The following TRIM9 variants were observed in gnomAD, a reference collection of about 807,000 sequenced individuals.
TRIM9 encodes E3 ubiquitin-protein ligase TRIM9.
In TRIM9, 26 loss-of-function variants were observed where a neutral mutation model predicts 78.3. The observed-to-expected ratio is 0.33, with a 90% CI of 0.24 to 0.46. TRIM9 has a LOEUF of 0.46. TRIM9 is among the 20% of genes least tolerant of loss of function. The pLI is 1.00. For synonymous variants in TRIM9, 398 were observed against 416.5 expected (o/e 0.96, Z 0.54); for missense variants, 787 against 1,036.4 (o/e 0.76, Z 3.30).
chr14:51,034,700 G>T (rs1476173442), intron 1 of TRIM9, among the ~76,000 whole-genome samples: 1 of 152,152 alleles, frequency 6.6e-6, no homozygotes, highest in Non-Finnish European at 1.5e-5. Context: ...TAAAATAGGA[G>T]ATTAATTAAA....
chr14:51,032,044 A>G (rs1455575584), intron 1 of TRIM9, among the ~76,000 whole-genome samples: 2 of 152,206 alleles, frequency 1.3e-5, no homozygotes, highest in Non-Finnish European at 2.9e-5. Context: ...TGCATGCCCA[A>G]CCACACAAAT....
intron 1 of TRIM9, among the ~76,000 whole-genome samples, chr14:51,068,280 G>C (rs72687158): frequency 0.2 from 30,876 of 152,004 alleles, 3,290 homozygotes; most frequent in Non-Finnish European, 0.24. Context: ...CCCCAGTAAG[G>C]TCACACTCAA....
intron 1 of TRIM9, among the ~76,000 whole-genome samples, chr14:51,059,917 A>G (rs762076866): frequency 2.2e-4 from 34 of 152,352 alleles, no homozygotes; most frequent in South Asian, 1.0e-3. Context: ...AATATTGGCT[A>G]CTACCACGGC....
At chr14:50,986,169 A>G in intron 7 of TRIM9, 25 bp from the exon 8 acceptor site, 1 of 1,455,854 alleles carries the variant, frequency 6.9e-7, no homozygotes, top group South Asian at 1.5e-5. Context: ...AATGCAAACT[A>G]GAGATCAGAA....
At chr14:50,989,742 C>T (rs144988196) in intron 7 of TRIM9, among the ~76,000 whole-genome samples, 164 of 152,236 alleles carry the variant, frequency 1.1e-3, no homozygotes, top group Admixed American at 3.0e-3. Flanking sequence ...AACTCTAGGA[C>T]GGGACTGTGT....
intron 1 of TRIM9, among the ~76,000 whole-genome samples, chr14:51,059,736 T>C (rs1016400662): frequency 1.3e-5 from 2 of 149,964 alleles, no homozygotes; most frequent in Non-Finnish European, 3.0e-5. Context: ...AGGCAGAGGT[T>C]GCAGTGAGCC....
intron 1 of TRIM9, among the ~76,000 whole-genome samples, chr14:51,033,430 A>G (rs1230680535): frequency 6.6e-6 from 1 of 152,254 alleles, no homozygotes; most frequent in Admixed American, 6.5e-5. Context: ...TAAAATATAC[A>G]TACATAAATC....
At chr14:51,051,957 T>C (rs2060461781) in intron 1 of TRIM9, among the ~76,000 whole-genome samples, 1 of 141,172 alleles carries the variant, frequency 7.1e-6, no homozygotes, top group South Asian at 2.2e-4. Flanking sequence ...ACAGAGACCC[T>C]GTCTTGAAAA....
intron 3 of TRIM9, 105 bp from the exon 4 acceptor site, chr14:51,010,599 C>G: frequency 2.5e-6 from 2 of 791,290 alleles, no homozygotes; most frequent in East Asian, 2.5e-5. Flanking sequence ...CCATTCCATT[C>G]TGGAATGGAA....
In TRIM9 at chr14:50,979,404, G is replaced by C; in HGVS notation, c.2308C>G (p.Leu770Val). The change falls in exon 12 of 13, where the codon CTG (leucine) becomes GTG (valine). Residue 770 changes from leucine to valine, a missense_variant. Around this residue, in one of 3 missense-constraint regions of TRIM9, gnomAD observed 421 missense variants for 514.3 expected, o/e 0.82. Transcript: ENST00000684578. The stretch of plus-strand genomic sequence containing the variant: ...GTGCTTACCTGCACGTTCCTGTTCA[G>C]GCTGACCGCAGGGAAGAAGAGGCCC... ...VEGLFFPAVS[L>V]NRNVQVTLHT... 6.2e-7 allele frequency: 1 copy of C among 1,614,212 alleles called. No individual in the cohort carries two copies. Among genetic ancestry groups the C allele is most frequent in the African/African-American group, 1.3e-5 (1 of 75,058 alleles).
chr14:50,984,659 T>TC (rs1270044101), intron 8 of TRIM9, among the ~76,000 whole-genome samples: 1 of 152,258 alleles, frequency 6.6e-6, no homozygotes, highest in African/African-American at 2.4e-5. Context: ...CTTGTGCAAC[T>TC]CTTTTTCAAA....
Position 51,066,831 on chromosome 14 carries a change from G to C in TRIM9, c.822+27287C>G, listed in dbSNP as rs139474541. ...ACACAGTTTGAACAGGTGGTCGCCT[G>C]CGATTGACTGAAGCTCTGCTGTTGT... On this transcript the variant is annotated intron_variant, in intron 1 of 12. Coordinates refer to ENST00000684578, the MANE Select transcript of TRIM9 (RefSeq NM_001387360.1). Among the ~76,000 whole-genome samples, 200 of 152,268 alleles carry C rather than the reference G, an allele frequency of 1.3e-3. 1 individual carries two copies. Among genetic ancestry groups the C allele is most frequent in the African/African-American group, 4.5e-3 (188 of 41,568 alleles).
intron 1 of TRIM9, among the ~76,000 whole-genome samples, chr14:51,072,710 A>C (rs1169056034): frequency 6.6e-6 from 1 of 152,156 alleles, no homozygotes; most frequent in Non-Finnish European, 1.5e-5. Context: ...CATTTAAGAA[A>C]GAATTGTTCT....
At chr14:51,028,980 C>G (rs1556929) in intron 1 of TRIM9, among the ~76,000 whole-genome samples, 129,773 of 152,028 alleles carry the variant, frequency 0.85, 55,931 homozygotes, top group African/African-American at 0.91. Context: ...TACCCTGGGA[C>G]TGACTGTGGA....
At chr14:51,026,249 A>T (rs969246253) in intron 1 of TRIM9, among the ~76,000 whole-genome samples, 2 of 152,148 alleles carry the variant, frequency 1.3e-5, no homozygotes, top group African/African-American at 4.8e-5. Context: ...CTTCCGGCTC[A>T]CATGAGGAGA....
At chr14:51,024,323 T>C (rs1596201677) in intron 2 of TRIM9, among the ~76,000 whole-genome samples, 2 of 152,088 alleles carry the variant, frequency 1.3e-5, no homozygotes, top group Non-Finnish European at 2.9e-5. Context: ...GAAGGAAGTA[T>C]ACAAAACTGC....
chr14:51,000,386 G>A (rs995648814), intron 6 of TRIM9, among the ~76,000 whole-genome samples: 2 of 152,180 alleles, frequency 1.3e-5, no homozygotes, highest in African/African-American at 4.8e-5. Context: ...GACTCAAAGG[G>A]GTGATAATTA....
chr14:51,030,537 C>T (rs949884492), intron 1 of TRIM9, among the ~76,000 whole-genome samples: 7 of 152,020 alleles, frequency 4.6e-5, no homozygotes, highest in Non-Finnish European at 1.0e-4. Flanking sequence ...GGAATGGAAG[C>T]ACACAGTATA....
rs200741814 is a variant in TRIM9 at position 51,022,795 on chromosome 14, G to A, written c.1041+40C>T. The A allele has an allele frequency of 3.7e-5, 60 of 1,611,556 alleles. No homozygotes were observed. The African/African-American group carries it at 7.1e-4, about 19-fold the overall frequency. ...GTCCATCATGCCCCTCGGGAGCCTG[G>A]CTTGTTGGCTTTCTGCTCTTCCCAT... On this transcript the variant is annotated intron_variant, in intron 3 of 12. Coordinates refer to ENST00000684578, the MANE Select transcript of TRIM9 (RefSeq NM_001387360.1).
Sources: allele counts gnomAD v4.1 joint callset (sites outside exome capture counted in the v4.1 genomes callset), GRCh38; gene constraint gnomAD v4.1.1; regional missense constraint gnomAD v4.1.1; transcripts MANE v1.5; gene names NCBI Gene and HGNC (gene_info 2026-07-23, HGNC 2026-07-21).